Variants in F2RL1 observed in about 807,000 individuals in gnomAD.
F2RL1 encodes the protein F2R like trypsin receptor 1.
In F2RL1, 16 loss-of-function variants were observed where a neutral mutation model predicts 21.7. The ratio of observed to expected loss-of-function variants is 0.74; its 90% CI spans 0.50 to 1.12. The LOEUF (loss-of-function observed/expected upper bound fraction) is 1.12. Ranked by LOEUF, F2RL1 falls within the 50% of genes most tolerant of loss-of-function variation. F2RL1 has a pLI of 0.00. For synonymous variants in F2RL1, 181 were observed against 186.7 expected, an observed-to-expected ratio of 0.97 and a Z score of 0.25; for missense variants, 432 against 477.8, an observed-to-expected ratio of 0.90 and a Z score of 0.89.
At chr5:76,819,312 C>T (rs1456017213) in intron 1 of F2RL1, 48 bp downstream of exon 1, 5 of 1,498,704 alleles carry the variant, frequency 3.3e-6, no homozygotes, top group Non-Finnish European at 4.5e-6. Context: ...GAGCTGGGGT[C>T]CTGGGCACGC....
Position 76,833,741 on chromosome 5 carries a change from A to G in F2RL1, c.1134A>G (p.Lys378=). 6.2e-7 allele frequency: 1 copy of G among 1,613,912 alleles called. No homozygotes were observed. Among genetic ancestry groups the G allele is most frequent in the Middle Eastern group, 1.6e-4 (1 of 6,062 alleles). ...KQMQVSLTSK[K]HSRKSSSYSS... ...TGCAAGTATCCCTCACCTCAAAGAA[A>G]CACTCCAGGAAATCCAGCTCTTACT... The change falls in exon 2 of 2, where the codon AAA becomes AAG. Residue 378 remains lysine (K), a synonymous_variant. Transcript: ENST00000296677.
At chr5:76,824,068 T>G (rs533753186) in intron 1 of F2RL1, among the ~76,000 whole-genome samples, 1 of 151,002 alleles carries the variant, frequency 6.6e-6, no homozygotes, top group African/African-American at 2.4e-5. Context: ...TGCCTCGGCC[T>G]CCCAAAGTGC....
chr5:76,824,249 AT>A (rs540104313), intron 1 of F2RL1, among the ~76,000 whole-genome samples: 17 of 134,232 alleles, frequency 1.3e-4, no homozygotes, highest in East Asian at 6.8e-4. Flanking sequence ...CCCCCAGCTA[AT>A]TTTTTTTTTA....
chr5:76,830,053 GT>G, intron 1 of F2RL1, among the ~76,000 whole-genome samples: 1 of 152,296 alleles, frequency 6.6e-6, no homozygotes, highest in Middle Eastern at 3.4e-3. Context: ...TATTCTGTCA[GT>G]TCTGGAGACC....
At position 76,834,948 on chromosome 5, in the gene F2RL1, A is replaced by T. The variant is rs1245253398; in HGVS notation, c.*1147A>T. On this transcript the variant is annotated 3_prime_UTR_variant, in exon 2 of 2. Coordinates refer to ENST00000296677, the MANE Select transcript of F2RL1 (RefSeq NM_005242.6). ...GAGTTTTTGTATGTATTATTATTAA[A>T]GAAAAATGCAATCAGGATTTTAAAC... The T allele has an allele frequency of 1.3e-5, 2 of 152,396 alleles. No individual in the cohort carries two copies. The highest frequency in any genetic ancestry group is 4.8e-5 in the African/African-American group (2 of 41,468). The allele number at this position is 152,396 out of a possible 1,614,324, so 9.4% of individuals were successfully genotyped here.
In F2RL1 at chr5:76,831,170, A is replaced by G. The variant is rs940469061; in HGVS notation, c.83-1520A>G. ...GAGAGGGATAATAAGTTAGCTTGTC[A>G]TGCTACATGCTTGAAAGTCTGTCAT... On this transcript the variant is annotated intron_variant, in intron 1 of 1. Coordinates refer to ENST00000296677, the MANE Select transcript of F2RL1 (RefSeq NM_005242.6). Among the ~76,000 whole-genome samples the G allele has an allele frequency of 3.3e-5, 5 of 152,168 alleles. No individual in the cohort carries two copies. In the South Asian group the frequency reaches 1.0e-3, roughly 31 times the overall value.
At chr5:76,826,993 G>C (rs1026333164) in intron 1 of F2RL1, among the ~76,000 whole-genome samples, 1 of 151,804 alleles carries the variant, frequency 6.6e-6, no homozygotes, top group Non-Finnish European at 1.5e-5. Flanking sequence ...GGGACTACAA[G>C]TGTGCACCAC....
intron 1 of F2RL1, among the ~76,000 whole-genome samples, chr5:76,831,535 AT>A (rs3053251): frequency 0.094 from 12,611 of 134,042 alleles, 684 homozygotes; most frequent in East Asian, 0.25. Flanking sequence ...TCCTAAACTG[AT>A]TTTTTTTTTT....
chr5:76,826,414 G>T (rs1250133438), intron 1 of F2RL1, among the ~76,000 whole-genome samples: 1 of 152,048 alleles, frequency 6.6e-6, no homozygotes, highest in Non-Finnish European at 1.5e-5. Flanking sequence ...TTTGCCTATT[G>T]TAGACATTTG....
In F2RL1 at chr5:76,832,803, G is replaced by A; in HGVS notation, c.196G>A (p.Ala66Thr). The A allele has an allele frequency of 6.2e-7, 1 of 1,614,208 alleles. No individual in the cohort carries two copies. Among genetic ancestry groups the A allele is most frequent in the Non-Finnish European group, 8.5e-7 (1 of 1,180,044 alleles). The stretch of plus-strand genomic sequence containing the variant: ...AGTCTTTTCTGTGGATGAGTTTTCT[G>A]CATCTGTCCTCACTGGAAAACTGAC... ...ETVFSVDEFSASVLTGKLTTV... is the reference protein window; with the variant it reads ...ETVFSVDEFSTSVLTGKLTTV... Residue 66 changes from alanine (A) to threonine (T), a missense_variant, in exon 2 of 2, where the codon GCA becomes ACA. Transcript: ENST00000296677.
chr5:76,824,521 G>T (rs1438074665), intron 1 of F2RL1, among the ~76,000 whole-genome samples: 1 of 151,820 alleles, frequency 6.6e-6, no homozygotes, highest in Admixed American at 6.6e-5. Flanking sequence ...TAGAGACGGG[G>T]TTTCACCATG....
At chr5:76,827,115 T>G (rs1242347360) in intron 1 of F2RL1, among the ~76,000 whole-genome samples, 1 of 151,444 alleles carries the variant, frequency 6.6e-6, no homozygotes, top group Admixed American at 6.6e-5. Context: ...CCTCCCAAAG[T>G]GATAGGATTA....
Position 76,829,248 on chromosome 5 carries a change from G to GTTC in F2RL1, c.83-3427_83-3425dup, listed in dbSNP as rs202161139. Among the ~76,000 whole-genome samples the GTTC allele has an allele frequency of 3.5e-3, 333 of 94,506 alleles. 1 individual carries two copies. The highest frequency in any genetic ancestry group is 6.3e-3 in the Admixed American group (59 of 9,344). The allele number at this position is 94,506 out of a possible 152,430, so 62.0% of individuals were successfully genotyped here. A position where few individuals can be genotyped will look rare whatever the true frequency, so the allele number is the denominator to read the frequency against. ...ACCTCCACACCTTTTTTTTACCTTT[G>GTTC]TTCTTCTTCTTCTTCTTTTTTTTTT... On this transcript the variant is annotated intron_variant, in intron 1 of 1. Transcript: ENST00000296677.
At position 76,832,757 on chromosome 5, in the gene F2RL1, A is replaced by C. The variant is rs755903838; in HGVS notation, c.150A>C (p.Gly50=). The C allele has an allele frequency of 1.2e-6, 2 of 1,614,196 alleles. No individual in the cohort carries two copies. The highest frequency in any genetic ancestry group is 1.7e-6 in the Non-Finnish European group (2 of 1,180,016). ...GKVDGTSHVT[G]KGVTVETVFS... ...TTGATGGCACATCCCACGTCACTGG[A>C]AAAGGAGTTACAGTTGAAACAGTCT... The change falls in exon 2 of 2, where the codon GGA becomes GGC. Residue 50 remains glycine (G), a synonymous_variant. Coordinates refer to ENST00000296677, the MANE Select transcript of F2RL1 (RefSeq NM_005242.6).
chr5:76,824,109 C>A (rs35129112), intron 1 of F2RL1, among the ~76,000 whole-genome samples: 1 of 149,640 alleles, frequency 6.7e-6, no homozygotes, highest in Non-Finnish European at 1.5e-5. Context: ...ACTGCGCCGA[C>A]CCTGTACAAA....
chr5:76,827,417 T>C (rs1750263476), intron 1 of F2RL1, among the ~76,000 whole-genome samples: 1 of 149,580 alleles, frequency 6.7e-6, no homozygotes, highest in Admixed American at 6.6e-5. Flanking sequence ...GAGAATGGCA[T>C]GAACCCGGGA....
rs2243064 is a variant in F2RL1 at position 76,833,879 on chromosome 5, T to C, written c.*78T>C. On this transcript the variant is annotated 3_prime_UTR_variant, in exon 2 of 2. Transcript: ENST00000296677. ...ATGTTATGAGGACGTGTCTGTTATTTCCTAATCAAAAAGGTCTCACCACAT... is the reference window on the plus strand; with the variant it reads ...ATGTTATGAGGACGTGTCTGTTATTCCCTAATCAAAAAGGTCTCACCACAT... The C allele has an allele frequency of 1.2e-3, 1,810 of 1,478,936 alleles. 16 individuals carry two copies. The African/African-American group carries it at 0.021, about 17-fold the overall frequency. The allele number at this position is 1,478,936 out of a possible 1,614,324, so 91.6% of individuals were successfully genotyped here. A position where few individuals can be genotyped will look rare whatever the true frequency, so the allele number is the denominator to read the frequency against.
At chr5:76,831,271 A>G (rs889337088) in intron 1 of F2RL1, among the ~76,000 whole-genome samples, 1 of 152,162 alleles carries the variant, frequency 6.6e-6, no homozygotes, top group African/African-American at 2.4e-5. Flanking sequence ...GGAAACCAGC[A>G]CATGAGCAGG....
chr5:76,819,672 CT>C (rs1223880546), intron 1 of F2RL1, among the ~76,000 whole-genome samples: 2 of 152,102 alleles, frequency 1.3e-5, no homozygotes, highest in Non-Finnish European at 2.9e-5. Flanking sequence ...TCATTAAGAG[CT>C]TTTTGCCAAC....
Sources: allele counts gnomAD v4.1 joint callset (sites outside exome capture counted in the v4.1 genomes callset), GRCh38; gene constraint gnomAD v4.1.1; transcripts MANE v1.5; gene names NCBI Gene and HGNC (gene_info 2026-07-23, HGNC 2026-07-21).